Variants in NCAM2 observed in about 807,000 individuals in gnomAD.
NCAM2 encodes the protein neural cell adhesion molecule 2.
Under a neutral mutation model 98.1 loss-of-function variants are expected in NCAM2, and 30 were observed. That is an observed-to-expected ratio of 0.31 (90% CI 0.23 to 0.41). The LOEUF (loss-of-function observed/expected upper bound fraction) is 0.41. Ranked by LOEUF, NCAM2 falls within the 10% of genes least tolerant of loss-of-function variation. The pLI is 1.00. For synonymous variants in NCAM2, 368 were observed against 342.4 expected (o/e 1.07, Z -0.83); for missense variants, 867 against 1,005.8 (o/e 0.86, Z 1.87).
chr21:21,078,762 A>G (rs563245652), intron 1 of NCAM2, among the ~76,000 whole-genome samples: 13 of 152,368 alleles, frequency 8.5e-5, no homozygotes, highest in Admixed American at 5.9e-4. Flanking sequence ...ACTGTTTACA[A>G]TAACAAACAC....
chr21:21,405,524 AATT>A (rs1477280991), intron 9 of NCAM2, among the ~76,000 whole-genome samples: 1 of 152,130 alleles, frequency 6.6e-6, no homozygotes, highest in Non-Finnish European at 1.5e-5. Flanking sequence ...CTTTAAAATC[AATT>A]ATTATATTTG....
chr21:21,439,383 C>A (rs911103814), intron 12 of NCAM2, among the ~76,000 whole-genome samples: 1 of 152,162 alleles, frequency 6.6e-6, no homozygotes, highest in Non-Finnish European at 1.5e-5. Context: ...CCTCCCTCAG[C>A]CTCCCAAAGT....
intron 16 of NCAM2, among the ~76,000 whole-genome samples, chr21:21,532,201 A>C (rs1602575880): frequency 6.6e-6 from 1 of 152,120 alleles, no homozygotes; most frequent in South Asian, 2.1e-4. Flanking sequence ...CATACATACA[A>C]CAGCATAGTA....
chr21:21,168,924 G>C (rs2068037865), intron 1 of NCAM2, among the ~76,000 whole-genome samples: 1 of 152,056 alleles, frequency 6.6e-6, no homozygotes. Context: ...TTACTCTGTA[G>C]CTATCAAGAA....
At chr21:21,086,658 G>A (rs1159699170) in intron 1 of NCAM2, among the ~76,000 whole-genome samples, 1 of 152,048 alleles carries the variant, frequency 6.6e-6, no homozygotes. Context: ...ACCACAAACG[G>A]TAATTAGACT....
intron 10 of NCAM2, among the ~76,000 whole-genome samples, chr21:21,411,125 C>CATATATGTGTGTATATATAT (rs2076871290): frequency 4.1e-5 from 1 of 24,234 alleles, no homozygotes; most frequent in Non-Finnish European, 7.9e-5. Context: ...TATATATATA[C>CATATATGTGTGTATATATAT]ACATATATAT....
At chr21:21,210,640 A>G (rs2069615115) in intron 1 of NCAM2, 1 of 1,284,768 alleles carries the variant, frequency 7.8e-7, no homozygotes, top group East Asian at 5.6e-5. Context: ...CTGGAAATAC[A>G]ACGAAGCACT....
chr21:21,513,544 G>A (rs948092067), intron 16 of NCAM2, among the ~76,000 whole-genome samples: 14 of 151,236 alleles, frequency 9.3e-5, no homozygotes, highest in South Asian at 6.3e-4. Flanking sequence ...ATTGTTTTCC[G>A]TTGTCAGAAA....
intron 8 of NCAM2, among the ~76,000 whole-genome samples, chr21:21,360,059 A>T (rs2075603604): frequency 6.6e-6 from 1 of 151,978 alleles, no homozygotes; most frequent in African/African-American, 2.4e-5. Flanking sequence ...CAAACATTTT[A>T]ATAAAAATTG....
At chr21:21,093,777 C>T (rs1210072917) in intron 1 of NCAM2, among the ~76,000 whole-genome samples, 1 of 152,042 alleles carries the variant, frequency 6.6e-6, no homozygotes, top group Non-Finnish European at 1.5e-5. Flanking sequence ...CCTCCAAACC[C>T]AGCAGCATCT....
At chr21:21,109,204 T>C (rs1246074510) in intron 1 of NCAM2, among the ~76,000 whole-genome samples, 3 of 152,148 alleles carry the variant, frequency 2.0e-5, no homozygotes, top group Non-Finnish European at 4.4e-5. Flanking sequence ...AGTTGTAAGG[T>C]GTGATTCCAT....
At chr21:21,504,813 A>G (rs1470788757) in intron 15 of NCAM2, among the ~76,000 whole-genome samples, 2 of 151,826 alleles carry the variant, frequency 1.3e-5, no homozygotes, top group Non-Finnish European at 2.9e-5. Context: ...TTTTCAGAGA[A>G]TAGTACATTT....
At chr21:21,404,262 G>T (rs1312793925) in intron 9 of NCAM2, among the ~76,000 whole-genome samples, 1 of 152,158 alleles carries the variant, frequency 6.6e-6, no homozygotes, top group Non-Finnish European at 1.5e-5. Flanking sequence ...TATATTGTAT[G>T]TATATGTGTA....
At chr21:21,472,393 A>C (rs1488577666) in intron 14 of NCAM2, among the ~76,000 whole-genome samples, 2 of 152,154 alleles carry the variant, frequency 1.3e-5, no homozygotes, top group South Asian at 4.1e-4. Flanking sequence ...GGTTCTTAAG[A>C]AAACATTTTC....
intron 12 of NCAM2, among the ~76,000 whole-genome samples, chr21:21,442,348 C>G (rs1391662869): frequency 6.6e-6 from 1 of 151,910 alleles, no homozygotes; most frequent in Non-Finnish European, 1.5e-5. Context: ...TCCTTAGATG[C>G]GTAGGAACAT....
intron 5 of NCAM2, 30 bp downstream of exon 5, chr21:21,292,271 A>G (rs28693888): frequency 3.2e-6 from 5 of 1,587,186 alleles, no homozygotes; most frequent in South Asian, 1.2e-5. Flanking sequence ...TACATGTTTT[A>G]TGGATTCATT....
intron 15 of NCAM2, among the ~76,000 whole-genome samples, chr21:21,497,517 AC>A (rs1987328233): frequency 6.6e-6 from 1 of 152,238 alleles, no homozygotes; most frequent in Non-Finnish European, 1.5e-5. Context: ...TATCGGTGCT[AC>A]CTTTTTACTG....
chr21:21,336,655 G>A (rs3787594), intron 7 of NCAM2, among the ~76,000 whole-genome samples: 81,568 of 152,002 alleles, frequency 0.54, 22,047 homozygotes, highest in Admixed American at 0.64. Flanking sequence ...GCGTGGACAC[G>A]CCCTCTGCAG....
intron 17 of NCAM2, among the ~76,000 whole-genome samples, chr21:21,536,166 G>GT (rs1281889552): frequency 6.6e-6 from 1 of 151,760 alleles, no homozygotes; most frequent in Non-Finnish European, 1.5e-5. Context: ...TTGGTACAAT[G>GT]TTTTTTAATG....
Sources: gnomAD v4.1 joint callset for allele counts (sites outside exome capture counted in the v4.1 genomes callset) on GRCh38, gnomAD v4.1.1 for gene constraint, MANE v1.5 for transcripts, NCBI Gene and HGNC (gene_info 2026-07-23, HGNC 2026-07-21) for gene names.